Variants in PSPC1 observed in about 807,000 individuals in gnomAD.
PSPC1 encodes the protein paraspeckle protein 1.
A neutral mutation model predicts 51.6 loss-of-function variants in PSPC1; 14 were observed. That is an observed-to-expected ratio of 0.27 (90% CI 0.18 to 0.42). The LOEUF (loss-of-function observed/expected upper bound fraction) is 0.42, where lower values mean the gene tolerates loss of function less well. Ranked by LOEUF, PSPC1 falls within the 10% of genes least tolerant of loss-of-function variation. PSPC1 has a pLI of 1.00. For missense variants in PSPC1, 406 were observed against 701.1 expected (o/e 0.58, Z 4.75); for synonymous variants, 193 against 231.9 (o/e 0.83, Z 1.53).
At chr13:19,728,439 A>AACACACACACAC (rs56662113) in intron 6 of PSPC1, among the ~76,000 whole-genome samples, 2,653 of 144,338 alleles carry the variant, frequency 0.018, 44 homozygotes, top group African/African-American at 0.033. Flanking sequence ...TCAAAGCTTA[A>AACACACACACAC]ACACACACAC....
chr13:19,777,695 C>T (rs1778577836), intron 1 of PSPC1, among the ~76,000 whole-genome samples: 1 of 152,100 alleles, frequency 6.6e-6, no homozygotes, highest in African/African-American at 2.4e-5. Context: ...CACCTGTAAT[C>T]CCAGCACTTT....
chr13:19,736,496 A>G (rs916056527), intron 5 of PSPC1, among the ~76,000 whole-genome samples: 3 of 151,704 alleles, frequency 2.0e-5, no homozygotes, highest in East Asian at 1.9e-4. Flanking sequence ...ATCCTGGCTA[A>G]CACAGTGAAA....
intron 6 of PSPC1, among the ~76,000 whole-genome samples, chr13:19,728,240 A>G (rs538475105): frequency 2.6e-5 from 4 of 152,336 alleles, no homozygotes; most frequent in South Asian, 2.1e-4. Flanking sequence ...TTTATACTTA[A>G]AAGTCCCATA....
intron 4 of PSPC1, among the ~76,000 whole-genome samples, chr13:19,743,328 C>G (rs1312072407): frequency 6.6e-6 from 1 of 152,150 alleles, no homozygotes; most frequent in Admixed American, 6.6e-5. Flanking sequence ...CACCTGTACT[C>G]AAGAGTTGAC....
downstream of PSPC1, chr13:19,671,802 G>T: frequency 6.2e-7 from 1 of 1,611,050 alleles, no homozygotes; most frequent in Non-Finnish European, 8.5e-7. Context: ...ATCTGGATCT[G>T]TACTGACACC....
intron 6 of PSPC1, among the ~76,000 whole-genome samples, chr13:19,720,069 T>C (rs2137845562): frequency 6.6e-6 from 1 of 152,304 alleles, no homozygotes; most frequent in African/African-American, 2.4e-5. Flanking sequence ...AAGAGGTGCT[T>C]TTAAAACCTA....
At chr13:19,770,182 T>C (rs1048979411) in intron 2 of PSPC1, among the ~76,000 whole-genome samples, 1 of 152,154 alleles carries the variant, frequency 6.6e-6, no homozygotes, top group Non-Finnish European at 1.5e-5. Flanking sequence ...GAAGAATACA[T>C]ACTATATGAT....
chr13:19,767,817 A>G (rs1376235888), intron 2 of PSPC1, among the ~76,000 whole-genome samples: 1 of 152,196 alleles, frequency 6.6e-6, no homozygotes, highest in Non-Finnish European at 1.5e-5. Flanking sequence ...AATCTTAAGC[A>G]AAGATCATAC....
At chr13:19,770,834 G>C (rs1030075644) in intron 2 of PSPC1, among the ~76,000 whole-genome samples, 1 of 151,794 alleles carries the variant, frequency 6.6e-6, no homozygotes, top group African/African-American at 2.4e-5. Flanking sequence ...GGGAGGCAGA[G>C]GTTACAGTGA....
At chr13:19,682,611 G>A (rs1210457188) in intron 6 of PSPC1, among the ~76,000 whole-genome samples, 1 of 151,936 alleles carries the variant, frequency 6.6e-6, no homozygotes, top group Non-Finnish European at 1.5e-5. Context: ...ACCACAATGA[G>A]ATATATTCAC....
At chr13:19,671,405 ACTCCCTGGGGT>A (rs1876118935), downstream of PSPC1, 13 of 843,678 alleles carry the variant, frequency 1.5e-5, no homozygotes, top group Non-Finnish European at 2.1e-5. Context: ...AGAGACAGGC[ACTCCCTGGGGT>A]AGTGATGCTA....
intron 3 of PSPC1, among the ~76,000 whole-genome samples, chr13:19,758,307 C>T (rs146291511): frequency 0.032 from 4,779 of 147,842 alleles, 88 homozygotes; most frequent in Middle Eastern, 0.079. Context: ...AGTGAGACTC[C>T]GTCTCAAAAA....
intron 6 of PSPC1, among the ~76,000 whole-genome samples, chr13:19,715,229 T>A (rs1222853489): frequency 1.3e-5 from 2 of 152,176 alleles, no homozygotes; most frequent in Non-Finnish European, 2.9e-5. Context: ...TAAAGAAATA[T>A]GGAAGCCAAA....
At chr13:19,776,662 C>A (rs948690949) in intron 1 of PSPC1, among the ~76,000 whole-genome samples, 11 of 151,860 alleles carry the variant, frequency 7.2e-5, no homozygotes, top group Non-Finnish European at 1.6e-4. Flanking sequence ...TGCCTGCAAC[C>A]ACAATTGGCT....
At chr13:19,717,667 C>T (rs952383274) in intron 6 of PSPC1, among the ~76,000 whole-genome samples, 1 of 145,820 alleles carries the variant, frequency 6.9e-6, no homozygotes, top group African/African-American at 2.6e-5. Flanking sequence ...GATAACACCA[C>T]TGCTCTCTAG....
chr13:19,757,467 T>A (rs1387753771), intron 3 of PSPC1, among the ~76,000 whole-genome samples: 1 of 152,026 alleles, frequency 6.6e-6, no homozygotes, highest in Non-Finnish European at 1.5e-5. Flanking sequence ...AGACCATCGG[T>A]CCCTCTGCCT....
chr13:19,673,786 A>G (rs1049272314), downstream of PSPC1, among the ~76,000 whole-genome samples: 1 of 152,252 alleles, frequency 6.6e-6, no homozygotes, highest in African/African-American at 2.4e-5. Context: ...ATCCGGGGGA[A>G]AAAGCCTGAG....
At chr13:19,717,201 G>C (rs1882201725) in intron 6 of PSPC1, among the ~76,000 whole-genome samples, 3 of 152,140 alleles carry the variant, frequency 2.0e-5, no homozygotes, top group African/African-American at 7.2e-5. Flanking sequence ...TCTTTGCCAA[G>C]AAAGTATTAA....
intron 6 of PSPC1, among the ~76,000 whole-genome samples, chr13:19,710,923 G>A (rs1426677549): frequency 6.6e-6 from 1 of 151,406 alleles, no homozygotes. Flanking sequence ...CTGCAGCCTC[G>A]AACTCCTGGG....
Sources: gnomAD v4.1 joint callset for allele counts (sites outside exome capture counted in the v4.1 genomes callset) on GRCh38, gnomAD v4.1.1 for gene constraint, MANE v1.5 for transcripts, NCBI Gene and HGNC (gene_info 2026-07-23, HGNC 2026-07-21) for gene names.